Variants in ARHGAP15 observed in about 807,000 individuals in gnomAD.
The protein encoded by ARHGAP15 is Rho GTPase activating protein 15.
ARHGAP15 carries 51 observed loss-of-function variants against 63.7 expected under a neutral mutation model. That is an observed-to-expected ratio of 0.80 (90% CI 0.64 to 1.01). The LOEUF (loss-of-function observed/expected upper bound fraction) is 1.01. Ranked by LOEUF, ARHGAP15 falls within the 50% of genes least tolerant of loss-of-function variation. The pLI is 0.00. For missense variants in ARHGAP15, 560 were observed against 564.6 expected (o/e 0.99, Z 0.08); for synonymous variants, 191 against 193.8 (o/e 0.99, Z 0.12).
At chr2:143,377,966 ATTAAT>A (rs1401348642) in intron 6 of ARHGAP15, among the ~76,000 whole-genome samples, 3 of 152,082 alleles carry the variant, frequency 2.0e-5, no homozygotes, top group African/African-American at 7.2e-5. Flanking sequence ...AACATTAATA[ATTAAT>A]TTAATACACT....
intron 2 of ARHGAP15, among the ~76,000 whole-genome samples, chr2:143,184,161 T>C (rs764233959): frequency 6.6e-6 from 1 of 152,124 alleles, no homozygotes; most frequent in Non-Finnish European, 1.5e-5. Flanking sequence ...GGGTGAAGGG[T>C]TGCATACACT....
chr2:143,227,178 G>C (rs1693243384), intron 4 of ARHGAP15, among the ~76,000 whole-genome samples: 1 of 152,072 alleles, frequency 6.6e-6, no homozygotes, highest in Admixed American at 6.6e-5. Context: ...GTGCCTTCAT[G>C]ACATGAACAT....
At chr2:143,482,118 T>C (rs991843783) in intron 8 of ARHGAP15, among the ~76,000 whole-genome samples, 2 of 152,096 alleles carry the variant, frequency 1.3e-5, no homozygotes, top group Non-Finnish European at 2.9e-5. Flanking sequence ...CAGGTTAAGG[T>C]TAATGTTTAT....
intron 6 of ARHGAP15, among the ~76,000 whole-genome samples, chr2:143,252,535 AT>A (rs989293554): frequency 6.0e-5 from 9 of 150,920 alleles, no homozygotes; most frequent in Admixed American, 4.6e-4. Flanking sequence ...CAGACGCTTT[AT>A]TTTTTTTTAG....
chr2:143,279,405 G>A (rs1202976975), intron 6 of ARHGAP15, among the ~76,000 whole-genome samples: 3 of 152,080 alleles, frequency 2.0e-5, no homozygotes, highest in African/African-American at 7.2e-5. Context: ...TATATATGCT[G>A]GAATCTGGTT....
intron 13 of ARHGAP15, among the ~76,000 whole-genome samples, chr2:143,722,930 C>T (rs1685126429): frequency 6.6e-6 from 1 of 152,152 alleles, no homozygotes; most frequent in Non-Finnish European, 1.5e-5. Flanking sequence ...GGTTACTGAG[C>T]AGTTGAAAAA....
intron 10 of ARHGAP15, among the ~76,000 whole-genome samples, chr2:143,546,874 T>C (rs921063676): frequency 2.6e-5 from 4 of 152,232 alleles, no homozygotes; most frequent in African/African-American, 7.2e-5. Flanking sequence ...TCTCACTTAA[T>C]GATAACCAGA....
At chr2:143,751,172 C>A (rs1303997738) in intron 13 of ARHGAP15, among the ~76,000 whole-genome samples, 1 of 152,222 alleles carries the variant, frequency 6.6e-6, no homozygotes, top group Non-Finnish European at 1.5e-5. Context: ...CCGGACAAAG[C>A]CTGGCTACCC....
At chr2:143,590,358 T>C (rs1470266321) in intron 11 of ARHGAP15, among the ~76,000 whole-genome samples, 1 of 152,232 alleles carries the variant, frequency 6.6e-6, no homozygotes, top group Admixed American at 6.5e-5. Context: ...TTAGTTGTCC[T>C]GTCTGTCTCT....
chr2:143,762,289 T>C (rs75851545), intron 13 of ARHGAP15, among the ~76,000 whole-genome samples: 279 of 152,336 alleles, frequency 1.8e-3, no homozygotes, highest in African/African-American at 6.5e-3. Context: ...CTCAACCACG[T>C]GTTTTCCTTA....
rs192229062 is a variant in ARHGAP15, at chr2:143,287,309, C to T, written c.474+36709C>T. On this transcript the variant is annotated intron_variant, in intron 6 of 13. Coordinates refer to ENST00000295095, the MANE Select transcript of ARHGAP15 (RefSeq NM_018460.4). Reference sequence around the variant, plus strand: ...TAGACTTAATCTAATTATCTGTTCTCGTACTACTTAGGACAAGCGCTTTCT... The same window carrying T: ...TAGACTTAATCTAATTATCTGTTCTTGTACTACTTAGGACAAGCGCTTTCT... Among the ~76,000 whole-genome samples, 115 of 152,234 alleles carry T rather than the reference C, an allele frequency of 7.6e-4. 1 individual carries two copies. In the East Asian group the frequency reaches 0.016, roughly 21 times the overall value.
intron 6 of ARHGAP15, among the ~76,000 whole-genome samples, chr2:143,432,830 A>C (rs898636501): frequency 1.3e-5 from 2 of 152,016 alleles, no homozygotes; most frequent in African/African-American, 4.8e-5. Context: ...TGTGGTAATG[A>C]GGGATTTCAA....
chr2:143,448,491 T>C (rs980564541), intron 8 of ARHGAP15, among the ~76,000 whole-genome samples: 2 of 151,988 alleles, frequency 1.3e-5, no homozygotes, highest in Non-Finnish European at 1.5e-5. Context: ...ACTATTAGAA[T>C]AGACCATGTA....
intron 6 of ARHGAP15, among the ~76,000 whole-genome samples, chr2:143,416,298 A>G (rs991415061): frequency 1.3e-5 from 2 of 152,210 alleles, no homozygotes; most frequent in African/African-American, 2.4e-5. Context: ...CTCGTGGCAT[A>G]TAAAATAATA....
Position 143,691,526 on chromosome 2 carries a change from T to C in ARHGAP15, c.1139-11893T>C, listed in dbSNP as rs532996872. Among the ~76,000 whole-genome samples, 234 of 152,278 alleles carry C rather than the reference T, an allele frequency of 1.5e-3. 1 individual carries two copies. Among genetic ancestry groups the C allele is most frequent in the African/African-American group, 5.5e-3 (228 of 41,564 alleles). Reference sequence around the variant, plus strand: ...TGCATAATCAGTCCCATCAAATATGTAAAAAATGGCTATTATTGGTTATTC... The same window carrying C: ...TGCATAATCAGTCCCATCAAATATGCAAAAAATGGCTATTATTGGTTATTC... On this transcript the variant is annotated intron_variant, in intron 12 of 13. Transcript: ENST00000295095.
chr2:143,378,241 A>G (rs1686900030), intron 6 of ARHGAP15, among the ~76,000 whole-genome samples: 1 of 152,042 alleles, frequency 6.6e-6, no homozygotes, highest in Admixed American at 6.6e-5. Context: ...ATCTTTTAGA[A>G]ATAACTTGTA....
chr2:143,135,424 T>C (rs1166063480), intron 1 of ARHGAP15, among the ~76,000 whole-genome samples: 3 of 152,188 alleles, frequency 2.0e-5, no homozygotes, highest in Admixed American at 2.0e-4. Context: ...GTATACTATG[T>C]TGTCCTAAGG....
chr2:143,576,949 T>C (rs563304744), intron 11 of ARHGAP15, among the ~76,000 whole-genome samples: 2 of 152,262 alleles, frequency 1.3e-5, no homozygotes, highest in African/African-American at 4.8e-5. Flanking sequence ...ATATAGACTA[T>C]CTTTCTGTCT....
At chr2:143,259,550 A>G (rs1680608969) in intron 6 of ARHGAP15, among the ~76,000 whole-genome samples, 1 of 152,186 alleles carries the variant, frequency 6.6e-6, no homozygotes, top group Non-Finnish European at 1.5e-5. Flanking sequence ...CATTATTCAT[A>G]AAAGCATTGC....
Sources: allele counts gnomAD v4.1 joint callset (sites outside exome capture counted in the v4.1 genomes callset), GRCh38; gene constraint gnomAD v4.1.1; transcripts MANE v1.5; gene names NCBI Gene and HGNC (gene_info 2026-07-23, HGNC 2026-07-21).